FBRSL1: variants seen among roughly 807,000 people sequenced by gnomAD.
The protein encoded by FBRSL1 is fibrosin-1-like protein.
FBRSL1 carries 51 observed loss-of-function variants against 89.6 expected under a neutral mutation model. The ratio of observed to expected loss-of-function variants is 0.57; its 90% CI spans 0.45 to 0.72. The LOEUF (loss-of-function observed/expected upper bound fraction) is 0.72, where lower values mean the gene tolerates loss of function less well. Among genes scored for constraint, FBRSL1 ranks in the 30% least tolerant of loss-of-function variants. The probability of loss-of-function intolerance (pLI) is 0.00; values close to 1 mark genes in which losing one functional copy is unlikely to be tolerated. For synonymous variants in FBRSL1, 779 were observed against 681.1 expected (o/e 1.14, Z -2.24); for missense variants, 1,618 against 1,451.8 (o/e 1.11, Z -1.86).
chr12:132,546,203 A>G lies in FBRSL1; in HGVS notation c.616-1800A>G, dbSNP rs950130150. On this transcript the variant is annotated intron_variant, in intron 4 of 18. Transcript: ENST00000680143. The surrounding 1 kb of genome is among the most constrained non-coding windows in gnomAD (Gnocchi z 4.0). The stretch of plus-strand genomic sequence containing the variant: ...CTGAGCCTGGGCAGTTCCATTTCAT[A>G]CTTTCCTCACCAAACACCAAGGCCC... Among the ~76,000 whole-genome samples, 5 of 152,148 alleles carry G rather than the reference A, an allele frequency of 3.3e-5. No homozygotes were observed. Among genetic ancestry groups the G allele is most frequent in the Admixed American group, 3.3e-4 (5 of 15,280 alleles).
intron 4 of FBRSL1, among the ~76,000 whole-genome samples, chr12:132,534,758 G>A (rs1313108310): frequency 2.0e-5 from 3 of 152,244 alleles, no homozygotes; most frequent in African/African-American, 7.2e-5. Flanking sequence ...TCAAGGCCCA[G>A]GCAGCTGTGG....
chr12:132,514,096 A>C (rs1428751416), intron 2 of FBRSL1, among the ~76,000 whole-genome samples: 1 of 152,178 alleles, frequency 6.6e-6, no homozygotes, highest in Non-Finnish European at 1.5e-5. Context: ...TTGTCTGGGC[A>C]CTGAGGACGA....
chr12:132,503,622 C>T (rs2136478195), intron 1 of FBRSL1, among the ~76,000 whole-genome samples: 1 of 152,368 alleles, frequency 6.6e-6, no homozygotes. Flanking sequence ...GTAGGGTCTC[C>T]TGTGCCAGTT....
intron 5 of FBRSL1, among the ~76,000 whole-genome samples, chr12:132,562,393 G>A (rs2039204403): frequency 6.6e-6 from 1 of 152,122 alleles, no homozygotes; most frequent in Admixed American, 6.5e-5. Flanking sequence ...GTCCCTTTCT[G>A]GGGTGCCGGG....
At chr12:132,530,412 T>C (rs1224102433) in intron 4 of FBRSL1, among the ~76,000 whole-genome samples, 3 of 151,998 alleles carry the variant, frequency 2.0e-5, no homozygotes, top group Non-Finnish European at 4.4e-5. Flanking sequence ...TCCTGTCGGC[T>C]CACTGTGGGT....
At chr12:132,507,137 G>A in intron 1 of FBRSL1, 1 of 960,408 alleles carries the variant, frequency 1.0e-6, no homozygotes, top group Non-Finnish European at 1.2e-6. Context: ...GTCCTCCTCG[G>A]GGACACTGTG....
chr12:132,567,434 G>C, intron 5 of FBRSL1, 47 bp from the exon 6 acceptor site: 1 of 1,541,154 alleles, frequency 6.5e-7, no homozygotes, highest in Non-Finnish European at 8.8e-7. Context: ...GGTCCACGAG[G>C]ATGAGGACCA....
At chr12:132,570,666 C>CT (rs1300668344) in intron 8 of FBRSL1, 126 bp downstream of exon 8, 1 of 847,982 alleles carries the variant, frequency 1.2e-6, no homozygotes, top group Non-Finnish European at 1.7e-6. Context: ...GCGCGCCTCT[C>CT]TGAGTGGTTC....
intron 15 of FBRSL1, among the ~76,000 whole-genome samples, chr12:132,578,565 TGCACACGTACATACCCACGTGTACAG>T: frequency 1.3e-5 from 2 of 152,184 alleles, no homozygotes; most frequent in South Asian, 4.2e-4. Flanking sequence ...GTCAGCTGCA[TGCACACGTACATACCCACGTGTACAG>T]GCACACGTAC....
chr12:132,561,827 G>A (rs913493082), intron 5 of FBRSL1, among the ~76,000 whole-genome samples: 3 of 152,242 alleles, frequency 2.0e-5, no homozygotes, highest in African/African-American at 4.8e-5. Flanking sequence ...AGGGGTCTGT[G>A]GCAGGCCTGG....
chr12:132,508,500 T>G (rs2033956093), intron 2 of FBRSL1, 150 bp downstream of exon 2: 2 of 990,708 alleles, frequency 2.0e-6, no homozygotes, highest in Non-Finnish European at 2.9e-6. Context: ...GCAGGACACG[T>G]GGACAGGGCT....
chr12:132,575,519 G>T, intron 14 of FBRSL1, among the ~76,000 whole-genome samples: 1 of 152,378 alleles, frequency 6.6e-6, no homozygotes, highest in South Asian at 2.1e-4. Context: ...GAGCCACTGT[G>T]CCCGGCCAGA....
In FBRSL1 at chr12:132,583,219, A is replaced by G; in HGVS notation, c.2450A>G (p.Glu817Gly). 5.0e-6 allele frequency: 7 copies of G among 1,411,206 alleles called. No individual in the cohort carries two copies. Among genetic ancestry groups the G allele is most frequent in the African/African-American group, 1.5e-5 (1 of 66,210 alleles). The allele number at this position is 1,411,206 out of a possible 1,614,324, so 87.4% of individuals were successfully genotyped here. The change falls in exon 19 of 19, where the codon GAG (glutamate) becomes GGG (glycine). Residue 817 changes from glutamate to glycine, a missense_variant. Glu to Gly is a moderately conservative substitution (Grantham distance 98). Transcript: ENST00000680143. ...AAPGDVKVKE[E>G]RGEDEASEPP... is the part of the protein sequence containing the mutation. ...CCTGGAGACGTGAAGGTCAAGGAGG[A>G]GCGCGGGGAGGACGAGGCCTCCGAG...
rs1287293222 is a variant in FBRSL1 at position 132,499,873 on chromosome 12, C to T, written c.292-8280C>T. ...CAGAACGGCCTCTGAGCCCCAGCTC[C>T]GTTGGCGCAGCAGAGCTGTGCTGAT... is the stretch of plus-strand genomic sequence containing the variant. On this transcript the variant is annotated intron_variant, in intron 1 of 18. Transcript: ENST00000680143. The surrounding 1 kb of genome is among the most constrained non-coding windows in gnomAD (Gnocchi z 4.3). Among the ~76,000 whole-genome samples the T allele has an allele frequency of 6.6e-6, 1 of 152,146 alleles. No homozygotes were observed. Among genetic ancestry groups the T allele is most frequent in the Non-Finnish European group, 1.5e-5 (1 of 68,016 alleles).
At position 132,583,402 on chromosome 12, in the gene FBRSL1, TGGAGCCCCC is replaced by T. The variant is rs1339889988; in HGVS notation, c.2639_2647del (p.Pro880_Glu882del). ...CCCGCCCCGGGCTCCGCCGCCCTCT[TGGAGCCCCC>T]GGAGCGCCCCTACCGCGACCGCGAG... On this transcript the variant is annotated inframe_deletion, in exon 19 of 19. Transcript: ENST00000680143. 4.6e-6 allele frequency: 5 copies of T among 1,078,694 alleles called. No individual in the cohort carries two copies. In the East Asian group the frequency reaches 3.8e-4, roughly 81 times the overall value. 66.8% of individuals were successfully genotyped at this position (1,078,694 alleles called of 1,614,324 possible).
At chr12:132,498,158 G>A (rs1214917758) in intron 1 of FBRSL1, among the ~76,000 whole-genome samples, 14 of 152,134 alleles carry the variant, frequency 9.2e-5, no homozygotes, top group East Asian at 7.7e-4. Flanking sequence ...AAAGCCGGCC[G>A]TCCAGATCTG....
chr12:132,575,619 G>A (rs1297898529), intron 14 of FBRSL1, among the ~76,000 whole-genome samples: 4 of 152,278 alleles, frequency 2.6e-5, no homozygotes, highest in South Asian at 2.1e-4. Flanking sequence ...GGCCGTCCAC[G>A]GCAGAGTCGG....
At chr12:132,533,712 AG>A (rs1263545243) in intron 4 of FBRSL1, among the ~76,000 whole-genome samples, 1 of 152,186 alleles carries the variant, frequency 6.6e-6, no homozygotes, top group Non-Finnish European at 1.5e-5. Flanking sequence ...CATGTGCCTG[AG>A]GGCAGTGGCC....
chr12:132,533,089 C>G (rs912025721), intron 4 of FBRSL1, among the ~76,000 whole-genome samples: 3 of 152,138 alleles, frequency 2.0e-5, no homozygotes, highest in Admixed American at 6.5e-5. Flanking sequence ...CGGTCTCCTC[C>G]CAACCCAGCC....
Sources: allele counts gnomAD v4.1 joint callset (sites outside exome capture counted in the v4.1 genomes callset), GRCh38; gene constraint gnomAD v4.1.1; non-coding constraint Gnocchi (gnomAD v3.1); transcripts MANE v1.5; gene names NCBI Gene and HGNC (gene_info 2026-07-23, HGNC 2026-07-21).